The following MTRR variants were observed in gnomAD, a reference collection of about 807,000 sequenced individuals.
MTRR encodes methionine synthase reductase.
In MTRR, 63 loss-of-function variants were observed where a neutral mutation model predicts 79.2. The observed-to-expected ratio is 0.80, with a 90% CI of 0.65 to 0.98. The LOEUF (loss-of-function observed/expected upper bound fraction) is 0.98. Among genes scored for constraint, MTRR ranks in the 50% least tolerant of loss-of-function variants. The pLI, the probability that MTRR is intolerant of heterozygous loss-of-function variation, is 0.00. For synonymous variants in MTRR, 355 were observed against 313.3 expected, an observed-to-expected ratio of 1.13 and a Z score of -1.41; for missense variants, 895 against 839.6, an observed-to-expected ratio of 1.07 and a Z score of -0.82.
intron 9 of MTRR, 151 bp from the exon 10 acceptor site, chr5:7,891,221 C>T (rs1579776561): frequency 3.5e-6 from 2 of 578,140 alleles, no homozygotes; most frequent in East Asian, 2.9e-5. Context: ...TACTTGAACA[C>T]AAAGTTCAAG....
intron 9 of MTRR, 80 bp from the exon 10 acceptor site, chr5:7,891,288 AATTT>A: frequency 1.5e-6 from 1 of 673,656 alleles, no homozygotes; most frequent in Non-Finnish European, 2.4e-6. Flanking sequence ...TAAGACATGG[AATTT>A]TTTTTTTTTT....
chr5:7,867,844 C>T (rs150802478), upstream of MTRR: 4 of 1,614,166 alleles, frequency 2.5e-6, no homozygotes, highest in Admixed American at 5.0e-5. Context: ...CTTGAGAGAA[C>T]ACTGGTCCAC....
At chr5:7,896,025 T>C (rs780435498) in intron 12 of MTRR, among the ~76,000 whole-genome samples, 173 bp downstream of exon 12, 1 of 152,266 alleles carries the variant, frequency 6.6e-6, no homozygotes, top group Non-Finnish European at 1.5e-5. Flanking sequence ...GTTGTAGAGA[T>C]TGTGCTTTGT....
intron 1 of MTRR, chr5:7,856,801 T>C (rs1746260578): frequency 6.6e-6 from 1 of 151,662 alleles, no homozygotes; most frequent in Non-Finnish European, 1.5e-5. Flanking sequence ...AACTGACTGC[T>C]TCCGTTTTCC....
At chr5:7,866,217 G>A (rs1038419826), upstream of MTRR, among the ~76,000 whole-genome samples, 3 of 151,466 alleles carry the variant, frequency 2.0e-5, no homozygotes, top group Non-Finnish European at 4.4e-5. Context: ...GATAAAATAT[G>A]TTCACAGAAT....
intron 1 of MTRR, among the ~76,000 whole-genome samples, chr5:7,854,599 C>T (rs1471794926): frequency 2.6e-5 from 4 of 152,248 alleles, no homozygotes; most frequent in South Asian, 2.1e-4. Context: ...AAAGCGGAAA[C>T]CCCTGATAAA....
At chr5:7,883,129 A>C (rs1561210770) in intron 5 of MTRR, 26 bp from the exon 6 acceptor site, 1 of 1,614,152 alleles carries the variant, frequency 6.2e-7, no homozygotes. Context: ...AATTGCACTT[A>C]CGTTTTGTCA....
upstream of MTRR, among the ~76,000 whole-genome samples, chr5:7,868,803 C>A (rs917775512): frequency 6.6e-6 from 1 of 152,230 alleles, no homozygotes; most frequent in Non-Finnish European, 1.5e-5. Context: ...GACGGGAGGC[C>A]CCGCGGCGCG....
intron 6 of MTRR, 60 bp downstream of exon 6, chr5:7,883,337 G>T: frequency 6.2e-7 from 1 of 1,609,262 alleles, no homozygotes; most frequent in Non-Finnish European, 8.5e-7. Flanking sequence ...AGAAAGAGTT[G>T]TGTGGTGCTT....
rs1738364078 is a variant in MTRR at position 7,895,584 on chromosome 5, C to T, written c.1558-150C>T. 5.8e-6 allele frequency: 6 copies of T among 1,043,098 alleles called. No homozygotes were observed. In the African/African-American group the frequency reaches 6.3e-5, roughly 11 times the overall value. The allele number at this position is 1,043,098 out of a possible 1,614,324, so 64.6% of individuals were successfully genotyped here. Reference sequence around the variant, plus strand: ...TTCTTTCTGTAGTGACAAATGTGCTCATGGTTTCAATAAAATCTGATGCCA... The same window carrying T: ...TTCTTTCTGTAGTGACAAATGTGCTTATGGTTTCAATAAAATCTGATGCCA... On this transcript the variant is annotated intron_variant, in intron 11 of 14. Coordinates refer to ENST00000440940, the MANE Select transcript of MTRR (RefSeq NM_002454.3).
intron 11 of MTRR, 78 bp downstream of exon 11, chr5:7,892,991 C>A: frequency 6.9e-7 from 1 of 1,455,990 alleles, no homozygotes; most frequent in Non-Finnish European, 9.4e-7. Flanking sequence ...GTTGTCTCAC[C>A]CACATCATTC....
At chr5:7,877,342 T>C (rs968793895) in intron 4 of MTRR, among the ~76,000 whole-genome samples, 19 of 152,082 alleles carry the variant, frequency 1.2e-4, no homozygotes, top group Admixed American at 9.8e-4. Flanking sequence ...GCTTTTTTTT[T>C]CTCCTGTTGT....
chr5:7,864,193 A>T (rs188664995), upstream of MTRR, among the ~76,000 whole-genome samples: 1 of 152,194 alleles, frequency 6.6e-6, no homozygotes, highest in Non-Finnish European at 1.5e-5. Context: ...AAAATGATAG[A>T]TATGGAGGTA....
At chr5:7,862,511 A>G (rs977471911) in intron 2 of MTRR, among the ~76,000 whole-genome samples, 1 of 152,172 alleles carries the variant, frequency 6.6e-6, no homozygotes, top group Non-Finnish European at 1.5e-5. Context: ...CCTACGTTCC[A>G]GGTACTATTT....
intron 9 of MTRR, chr5:7,890,376 G>A (rs947830611): frequency 3.0e-6 from 3 of 985,340 alleles, no homozygotes; most frequent in East Asian, 1.1e-4. Context: ...TGAAGTCTTC[G>A]AGAACCATCA....
chr5:7,878,442 G>T, intron 5 of MTRR, 120 bp downstream of exon 5: 1 of 1,281,770 alleles, frequency 7.8e-7, no homozygotes, highest in South Asian at 1.3e-5. Context: ...GGCCCAATGT[G>T]GCCCAGAGCC....
intron 2 of MTRR, among the ~76,000 whole-genome samples, chr5:7,871,270 C>A (rs767772021): frequency 3.9e-5 from 6 of 152,146 alleles, no homozygotes; most frequent in Non-Finnish European, 5.9e-5. Flanking sequence ...ATCTCAGTGT[C>A]CCACTTTTTT....
chr5:7,892,780 T>C lies in MTRR; in HGVS notation c.1424T>C (p.Phe475Ser), dbSNP rs748768368. 1.5e-5 allele frequency: 24 copies of C among 1,614,118 alleles called. No individual in the cohort carries two copies. Among genetic ancestry groups the C allele is most frequent in the Non-Finnish European group, 1.2e-5 (14 of 1,180,044 alleles). The change falls in exon 11 of 15, where the codon TTT becomes TCT. Residue 475 changes from phenylalanine (F) to serine (S), a missense_variant. By Grantham distance (155) the Phe-to-Ser change is radical. Coordinates refer to ENST00000440940, the MANE Select transcript of MTRR (RefSeq NM_002454.3). ...CATTTTGTCTTCAACATTGTGGAAT[T>C]TCTGTCTACTGCCACAACAGAGGTT... Reference protein sequence around the residue: ...KLHFVFNIVEFLSTATTEVLR... With the variant: ...KLHFVFNIVESLSTATTEVLR...
Position 7,900,121 on chromosome 5 carries a change from C to T in MTRR, c.*63C>T, listed in dbSNP as rs1579853322. The T allele has an allele frequency of 8.8e-6, 14 of 1,583,688 alleles. No individual in the cohort carries two copies. Among genetic ancestry groups the T allele is most frequent in the Non-Finnish European group, 1.2e-5 (14 of 1,163,120 alleles). On this transcript the variant is annotated 3_prime_UTR_variant, in exon 15 of 15. Transcript: ENST00000440940. ...CTGAAAGTACTAAAAGTCAGCTTTA[C>T]TAGTGCCAAACCTTTAAATTTTCAA...
Sources: allele counts gnomAD v4.1 joint callset (sites outside exome capture counted in the v4.1 genomes callset), GRCh38; gene constraint gnomAD v4.1.1; transcripts MANE v1.5; gene names NCBI Gene and HGNC (gene_info 2026-07-23, HGNC 2026-07-21).